Variants in DSCAML1 observed in about 807,000 individuals in gnomAD.
The protein encoded by DSCAML1 is cell adhesion molecule DSCAML1.
DSCAML1 carries 38 observed loss-of-function variants against 200.5 expected under a neutral mutation model. The observed-to-expected ratio is 0.19, with a 90% CI of 0.15 to 0.25. The LOEUF (loss-of-function observed/expected upper bound fraction) is 0.25, where lower values mean the gene tolerates loss of function less well. Ranked by LOEUF, DSCAML1 falls within the 10% of genes least tolerant of loss-of-function variation. DSCAML1 has a pLI of 1.00. For synonymous variants in DSCAML1, 1,215 were observed against 1,165.0 expected (o/e 1.04, Z -0.87); for missense variants, 2,223 against 2,858.8 (o/e 0.78, Z 5.07).
rs149085431 is a variant in DSCAML1, at chr11:117,630,017, G to T, written c.512-97495C>A. On this transcript the variant is annotated intron_variant, in intron 3 of 32. Transcript: ENST00000651296. ...CACTGTCTCCAAAAAAGAGAGAGAT[G>T]GGGAGAAGATTGCCTCTTTAAGCCC... is the stretch of plus-strand genomic sequence containing the variant. 1.8e-3 allele frequency among the ~76,000 whole-genome samples: 274 copies of T among 152,172 alleles called. 3 individuals are homozygous for T. Among genetic ancestry groups the T allele is most frequent in the Admixed American group, 0.013 (198 of 15,286 alleles).
chr11:117,743,035 C>T (rs1477170149), intron 3 of DSCAML1, among the ~76,000 whole-genome samples: 5 of 152,346 alleles, frequency 3.3e-5, no homozygotes, highest in African/African-American at 1.2e-4. Context: ...ATCCACCCAT[C>T]CGTCCATCCA....
intron 3 of DSCAML1, among the ~76,000 whole-genome samples, chr11:117,564,512 C>G (rs2050719629): frequency 6.6e-6 from 1 of 152,152 alleles, no homozygotes; most frequent in East Asian, 1.9e-4. Context: ...CTTTGCTGCC[C>G]CTGAACATGC....
intron 2 of DSCAML1, among the ~76,000 whole-genome samples, chr11:117,778,605 C>T (rs2055175129): frequency 6.6e-6 from 1 of 152,266 alleles, no homozygotes; most frequent in South Asian, 2.1e-4. Context: ...ATAGCTGCAC[C>T]TCTGCGATTA....
At chr11:117,511,253 C>T (rs538786700) in intron 8 of DSCAML1, among the ~76,000 whole-genome samples, 43 of 152,112 alleles carry the variant, frequency 2.8e-4, no homozygotes, top group Non-Finnish European at 5.4e-4. Context: ...TTGTCCTCCA[C>T]AGAAGCCTGG....
intron 3 of DSCAML1, among the ~76,000 whole-genome samples, chr11:117,649,668 T>C (rs2052589425): frequency 6.6e-6 from 1 of 152,208 alleles, no homozygotes; most frequent in Admixed American, 6.5e-5. Context: ...GCCCACTTTA[T>C]TGTAAGAGTT....
chr11:117,563,525 C>T lies in DSCAML1; in HGVS notation c.512-31003G>A, dbSNP rs117189437. 9.9e-5 allele frequency among the ~76,000 whole-genome samples: 15 copies of T among 152,228 alleles called. No homozygotes were observed. The East Asian group carries it at 2.3e-3, about 24-fold the overall frequency. ...GCTTTCATAGATGTAAAGGAAGCTC[C>T]GTGCCAGAGGGAATCACACGTTCAC... On this transcript the variant is annotated intron_variant, in intron 3 of 32. Coordinates refer to ENST00000651296, the MANE Select transcript of DSCAML1 (RefSeq NM_020693.4).
At chr11:117,738,146 T>C (rs1358628844) in intron 3 of DSCAML1, among the ~76,000 whole-genome samples, 1 of 152,166 alleles carries the variant, frequency 6.6e-6, no homozygotes, top group African/African-American at 2.4e-5. Flanking sequence ...TACAGATACA[T>C]ATTCTGCATT....
intron 1 of DSCAML1, among the ~76,000 whole-genome samples, chr11:117,795,126 G>A (rs2055546421): frequency 2.0e-5 from 3 of 152,224 alleles, no homozygotes; most frequent in Admixed American, 2.0e-4. Context: ...CTCCTGGAAG[G>A]GGGAGGGGAG....
At chr11:117,671,669 A>C (rs937820590) in intron 3 of DSCAML1, among the ~76,000 whole-genome samples, 1 of 152,224 alleles carries the variant, frequency 6.6e-6, no homozygotes, top group African/African-American at 2.4e-5. Flanking sequence ...TACAAATTCT[A>C]TCACACCTAC....
At chr11:117,486,559 C>G (rs528857082) in intron 11 of DSCAML1, among the ~76,000 whole-genome samples, 41 of 152,320 alleles carry the variant, frequency 2.7e-4, no homozygotes, top group African/African-American at 9.6e-4. Context: ...GGATGTATAT[C>G]CTTCCATGGG....
intron 3 of DSCAML1, among the ~76,000 whole-genome samples, chr11:117,757,888 G>A (rs975550827): frequency 6.6e-6 from 1 of 152,188 alleles, no homozygotes; most frequent in Non-Finnish European, 1.5e-5. Flanking sequence ...TACTCAGGAG[G>A]CTGAGTCAGG....
chr11:117,469,788 C>T lies in DSCAML1; in HGVS notation c.3024+122G>A, dbSNP rs1458039550. On this transcript the variant is annotated intron_variant, in intron 16 of 32. Transcript: ENST00000651296. This position sits in a 1 kb window ranked among gnomAD's most constrained non-coding sequence, Gnocchi z 4.1. ...TCTCAAATCTCACTAGGTTTAGTGA[C>T]AAAACAGACATGGGCATCATATAAG... The T allele has an allele frequency of 3.4e-6, 3 of 872,450 alleles. No individual in the cohort carries two copies. Among genetic ancestry groups the T allele is most frequent in the Non-Finnish European group, 4.9e-6 (3 of 611,166 alleles). 54.0% of individuals were successfully genotyped at this position (872,450 alleles called of 1,614,324 possible).
intron 3 of DSCAML1, among the ~76,000 whole-genome samples, chr11:117,657,181 CT>C (rs1202604544): frequency 6.6e-6 from 1 of 152,180 alleles, no homozygotes; most frequent in Non-Finnish European, 1.5e-5. Context: ...CATCAGGTAA[CT>C]TCCTTCCAGA....
intron 3 of DSCAML1, among the ~76,000 whole-genome samples, chr11:117,619,355 G>C (rs1043307189): frequency 9.9e-5 from 15 of 152,232 alleles, no homozygotes; most frequent in Non-Finnish European, 1.5e-5. Flanking sequence ...CTTCCTCAGG[G>C]AGTGCCCCTG....
intron 8 of DSCAML1, among the ~76,000 whole-genome samples, chr11:117,507,428 G>A (rs551869740): frequency 1.3e-5 from 2 of 152,166 alleles, no homozygotes; most frequent in Non-Finnish European, 2.9e-5. Context: ...GCACTTTCAG[G>A]GCTCAAAAGG....
At chr11:117,442,280 AGTGTGTAT>A (rs1254796427) in intron 21 of DSCAML1, among the ~76,000 whole-genome samples, 1 of 146,806 alleles carries the variant, frequency 6.8e-6, no homozygotes, top group Non-Finnish European at 1.5e-5. Flanking sequence ...TAGTGTGTAT[AGTGTGTAT>A]GTGTGTATAT....
chr11:117,598,522 C>A (rs1229052631), intron 3 of DSCAML1, among the ~76,000 whole-genome samples: 1 of 152,208 alleles, frequency 6.6e-6, no homozygotes, highest in Non-Finnish European at 1.5e-5. Context: ...GCCACGGAAG[C>A]TGGGTTGAAA....
intron 18 of DSCAML1, among the ~76,000 whole-genome samples, chr11:117,460,382 G>A (rs986784796): frequency 6.6e-6 from 1 of 152,144 alleles, no homozygotes; most frequent in Admixed American, 6.6e-5. Flanking sequence ...GGATGGGAGA[G>A]GGGACCGTAG....
chr11:117,769,387 A>T (rs1286716386), intron 3 of DSCAML1, among the ~76,000 whole-genome samples: 2 of 3,768 alleles, frequency 5.3e-4, no homozygotes, highest in Non-Finnish European at 2.2e-3. Context: ...TTTATATATT[A>T]TATATATTTT....
Sources: allele counts gnomAD v4.1 joint callset (sites outside exome capture counted in the v4.1 genomes callset), GRCh38; gene constraint gnomAD v4.1.1; non-coding constraint Gnocchi (gnomAD v3.1); transcripts MANE v1.5; gene names NCBI Gene and HGNC (gene_info 2026-07-23, HGNC 2026-07-21).